The following ABTB2 variants were observed in gnomAD, a reference collection of about 807,000 sequenced individuals.
ABTB2 encodes ankyrin repeat and BTB domain containing 2, also known as ankyrin repeat and BTB/POZ domain-containing protein 2.
ABTB2 carries 56 observed loss-of-function variants against 104.1 expected under a neutral mutation model. That is an observed-to-expected ratio of 0.54 (90% CI 0.43 to 0.67). The LOEUF (loss-of-function observed/expected upper bound fraction) is 0.67, where lower values mean the gene tolerates loss of function less well. Ranked by LOEUF, ABTB2 falls within the 30% of genes least tolerant of loss-of-function variation. The pLI is 0.00. For synonymous variants in ABTB2, 606 were observed against 608.2 expected, an observed-to-expected ratio of 1.00 and a Z score of 0.05; for missense variants, 1,279 against 1,407.7, an observed-to-expected ratio of 0.91 and a Z score of 1.46.
At chr11:34,296,864 G>A (rs895061277) in intron 1 of ABTB2, among the ~76,000 whole-genome samples, 14 of 152,174 alleles carry the variant, frequency 9.2e-5, no homozygotes, top group Non-Finnish European at 1.2e-4. Flanking sequence ...AAGGCTGTAG[G>A]GACAGTGATG....
chr11:34,206,863 T>C (rs1853414715), intron 1 of ABTB2, among the ~76,000 whole-genome samples: 1 of 152,146 alleles, frequency 6.6e-6, no homozygotes, highest in African/African-American at 2.4e-5. Context: ...AGGCCCCCTC[T>C]CCATCTCCCT....
In ABTB2 at chr11:34,164,613, G is replaced by A. The variant is rs151153269; in HGVS notation, c.1988+73C>T. On this transcript the variant is annotated intron_variant, in intron 9 of 16. Coordinates refer to ENST00000435224, the MANE Select transcript of ABTB2 (RefSeq NM_145804.3). The stretch of plus-strand genomic sequence containing the variant: ...CGGGCCTAGCTCTTTTGCTCCCATC[G>A]GGGAAACTGAGGCTCCTGTGAGCTT... 84 of 1,379,690 alleles carry A rather than the reference G, an allele frequency of 6.1e-5. No individual in the cohort carries two copies. In the Admixed American group the frequency reaches 6.7e-4, roughly 11 times the overall value. 85.5% of individuals were successfully genotyped at this position (1,379,690 alleles called of 1,614,324 possible).
intron 1 of ABTB2, among the ~76,000 whole-genome samples, chr11:34,272,492 G>A (rs1854327902): frequency 6.6e-6 from 1 of 151,806 alleles, no homozygotes; most frequent in Non-Finnish European, 1.5e-5. Flanking sequence ...TGGATCACGA[G>A]GTCAGGAGAT....
intron 1 of ABTB2, among the ~76,000 whole-genome samples, chr11:34,228,638 A>G (rs1344209236): frequency 6.6e-6 from 1 of 151,996 alleles, no homozygotes; most frequent in Non-Finnish European, 1.5e-5. Flanking sequence ...TCAGCCTCCC[A>G]AAATGCTGAG....
intron 1 of ABTB2, among the ~76,000 whole-genome samples, chr11:34,327,661 A>G (rs1240882706): frequency 6.6e-6 from 1 of 152,312 alleles, no homozygotes; most frequent in Non-Finnish European, 1.5e-5. Flanking sequence ...GCATCATCCT[A>G]TAAGTGGGAC....
chr11:34,334,764 T>C (rs1472252215), intron 1 of ABTB2, among the ~76,000 whole-genome samples: 2 of 64,426 alleles, frequency 3.1e-5, no homozygotes, highest in Non-Finnish European at 6.2e-5. Context: ...ATCTTAATAT[T>C]TGGGTTTTTT....
intron 1 of ABTB2, among the ~76,000 whole-genome samples, chr11:34,313,769 T>C (rs886770263): frequency 1.3e-5 from 2 of 152,256 alleles, no homozygotes; most frequent in African/African-American, 2.4e-5. Flanking sequence ...CAAGTGGATC[T>C]GTGTAAAGCA....
Position 34,172,371 on chromosome 11 carries a change from CAAAAAAAA to C in ABTB2, c.1397+776_1397+783del, listed in dbSNP as rs1230787869. Among the ~76,000 whole-genome samples, 34 of 61,682 alleles carry C rather than the reference CAAAAAAAA, an allele frequency of 5.5e-4. 3 individuals are homozygous for C. Among genetic ancestry groups the C allele is most frequent in the South Asian group, 1.9e-3 (3 of 1,604 alleles). 40.5% of individuals were successfully genotyped at this position (61,682 alleles called of 152,430 possible). On this transcript the variant is annotated intron_variant, in intron 4 of 16. Transcript: ENST00000435224. ...TGGGCAACAGAGTGAAACTCTGTCT[CAAAAAAAA>C]AAAAAAAAAAAAAAAAATATATATA...
chr11:34,185,740 G>C (rs980696935), intron 3 of ABTB2, among the ~76,000 whole-genome samples: 2 of 152,068 alleles, frequency 1.3e-5, no homozygotes, highest in African/African-American at 4.8e-5. Flanking sequence ...GGAAAAATAA[G>C]TCCTGGTATT....
chr11:34,286,395 C>T (rs898984866), intron 1 of ABTB2, among the ~76,000 whole-genome samples: 8 of 152,204 alleles, frequency 5.3e-5, no homozygotes, highest in Non-Finnish European at 1.0e-4. Context: ...CCAGTTCAAG[C>T]GATTCTCCCG....
At chr11:34,295,154 C>T (rs551536443) in intron 1 of ABTB2, among the ~76,000 whole-genome samples, 3 of 151,904 alleles carry the variant, frequency 2.0e-5, no homozygotes, top group Admixed American at 6.5e-5. Context: ...ACTGCACTTT[C>T]GTCTGGGCAA....
chr11:34,324,816 G>A (rs753674266), intron 1 of ABTB2, among the ~76,000 whole-genome samples: 21 of 152,248 alleles, frequency 1.4e-4, no homozygotes, highest in African/African-American at 3.9e-4. Context: ...GCACAAAGAC[G>A]CACAAAGACA....
At chr11:34,353,972 A>T (rs1855430927) in intron 1 of ABTB2, among the ~76,000 whole-genome samples, 1 of 152,230 alleles carries the variant, frequency 6.6e-6, no homozygotes, top group Non-Finnish European at 1.5e-5. Context: ...GTTCCTAAGC[A>T]GTGTATGCTT....
intron 1 of ABTB2, among the ~76,000 whole-genome samples, chr11:34,211,264 T>C (rs926434584): frequency 2.5e-4 from 38 of 152,250 alleles, no homozygotes; most frequent in African/African-American, 8.7e-4. Context: ...CACACTGCCG[T>C]GTCCAGCTAA....
intron 3 of ABTB2, among the ~76,000 whole-genome samples, chr11:34,193,151 A>C (rs1853202730): frequency 6.6e-6 from 1 of 152,044 alleles, no homozygotes. Flanking sequence ...GAGGCTCCCG[A>C]TCTCCCTGGG....
At chr11:34,246,458 G>T (rs190602182) in intron 1 of ABTB2, among the ~76,000 whole-genome samples, 1 of 152,016 alleles carries the variant, frequency 6.6e-6, no homozygotes, top group Non-Finnish European at 1.5e-5. Flanking sequence ...AAAATTAGCT[G>T]GGCGTAATGG....
intron 2 of ABTB2, among the ~76,000 whole-genome samples, chr11:34,200,314 C>T (rs1197712483): frequency 6.6e-6 from 1 of 152,132 alleles, no homozygotes; most frequent in African/African-American, 2.4e-5. Flanking sequence ...TGGTGGAGAA[C>T]CCTTTGGCAG....
At position 34,304,991 on chromosome 11, in the gene ABTB2, G is replaced by A. The variant is rs186288617; in HGVS notation, c.883+51710C>T. 3.3e-5 allele frequency among the ~76,000 whole-genome samples: 5 copies of A among 152,268 alleles called. No homozygotes were observed. The East Asian group carries it at 9.6e-4, about 29-fold the overall frequency. ...CAAAGTGTTTTCAGGAGTTATTTTG[G>A]CCACATGCAATTTGTGCTGACATCC... is the stretch of plus-strand genomic sequence containing the variant. On this transcript the variant is annotated intron_variant, in intron 1 of 16. Transcript: ENST00000435224.
At chr11:34,153,108 T>A (rs1444776634) in intron 16 of ABTB2, among the ~76,000 whole-genome samples, 4 of 152,054 alleles carry the variant, frequency 2.6e-5, no homozygotes, top group African/African-American at 9.7e-5. Context: ...CGTGACAGGA[T>A]GGCTTGTGAG....
Sources: gnomAD v4.1 joint callset for allele counts (sites outside exome capture counted in the v4.1 genomes callset) on GRCh38, gnomAD v4.1.1 for gene constraint, MANE v1.5 for transcripts, NCBI Gene and HGNC (gene_info 2026-07-23, HGNC 2026-07-21) for gene names.